GID4: variants seen among roughly 807,000 people sequenced by gnomAD.
The protein encoded by GID4 is glucose-induced degradation protein 4 homolog.
Under a neutral mutation model 32.4 loss-of-function variants are expected in GID4, and 7 were observed. The observed-to-expected ratio is 0.22, with a 90% CI of 0.12 to 0.41. GID4 has a LOEUF of 0.41. Among genes scored for constraint, GID4 ranks in the 10% least tolerant of loss-of-function variants. GID4 has a pLI of 1.00. For synonymous variants in GID4, 166 were observed against 170.0 expected, an observed-to-expected ratio of 0.98 and a Z score of 0.18; for missense variants, 309 against 400.0, an observed-to-expected ratio of 0.77 and a Z score of 1.94.
chr17:18,039,438 T>TGTGTCTGTGA lies in GID4; in HGVS notation c.-17_-8dup, dbSNP rs1202802123. 2.9e-6 allele frequency: 4 copies of TGTGTCTGTGA among 1,365,686 alleles called. No individual in the cohort carries two copies. The African/African-American group carries it at 5.9e-5, about 20-fold the overall frequency. The allele number at this position is 1,365,686 out of a possible 1,614,324, so 84.6% of individuals were successfully genotyped here. A position where few individuals can be genotyped will look rare whatever the true frequency, so the allele number is the denominator to read the frequency against. ...TGTGTCTGTGTGTGTTTGTGTGTTG[T>TGTGTCTGTGA]GTGTCTGTGAGTGTCTGTGTGTGTG... On this transcript the variant is annotated 5_prime_UTR_variant, in exon 1 of 6. Coordinates refer to ENST00000268719, the MANE Select transcript of GID4 (RefSeq NM_024052.5). The surrounding 1 kb of genome is among the most constrained non-coding windows in gnomAD (Gnocchi z 5.3).
At chr17:18,042,173 CTTTA>C (rs752019751) in intron 1 of GID4, among the ~76,000 whole-genome samples, 35 of 152,068 alleles carry the variant, frequency 2.3e-4, no homozygotes, top group Non-Finnish European at 4.4e-4. Context: ...CTTTTTGTAT[CTTTA>C]TTTAGATAGA....
intron 1 of GID4, among the ~76,000 whole-genome samples, chr17:18,044,722 A>G (rs554963356): frequency 7.9e-5 from 12 of 152,326 alleles, no homozygotes; most frequent in African/African-American, 2.6e-4. Context: ...CAATACAGAA[A>G]TAGAAAAAGG....
chr17:18,049,662 G>T (rs1311177529), intron 2 of GID4, among the ~76,000 whole-genome samples: 2 of 150,660 alleles, frequency 1.3e-5, no homozygotes, highest in Non-Finnish European at 3.0e-5. Context: ...TTTTTGAGAT[G>T]AAGTCTCGCT....
rs772480852 is a variant in GID4, at chr17:18,065,137, C to T, written c.840-43C>T. 1.0e-5 allele frequency: 15 copies of T among 1,443,178 alleles called. No individual in the cohort carries two copies. In the South Asian group the frequency reaches 1.6e-4, roughly 15 times the overall value. 89.4% of individuals were successfully genotyped at this position (1,443,178 alleles called of 1,614,324 possible). On this transcript the variant is annotated intron_variant, in intron 5 of 5. Coordinates refer to ENST00000268719, the MANE Select transcript of GID4 (RefSeq NM_024052.5). ...TTACTAATGTCCTTTGCTCAGGGTG[C>T]ATTAGATGACTACCTCCCGTTTCTG...
In GID4 at chr17:18,045,171, C is replaced by T. The variant is rs2044840946; in HGVS notation, c.463C>T (p.Leu155Phe). The change falls in exon 2 of 6, where the codon CTT (leucine) becomes TTT (phenylalanine). Residue 155 changes from leucine to phenylalanine, a missense_variant. By Grantham distance (22) the Leu-to-Phe change is conservative. Transcript: ENST00000268719. The part of the protein sequence containing the change: ...LQHVDTGNSY[L>F]CGYLKIKGLT... Reference sequence around the variant, plus strand: ...GCACGTGGACACGGGGAACTCTTACCTTTGTGGGTACTTGAAGATTAAAGG... The same window carrying T: ...GCACGTGGACACGGGGAACTCTTACTTTTGTGGGTACTTGAAGATTAAAGG... 6.2e-7 allele frequency: 1 copy of T among 1,613,504 alleles called. No individual in the cohort carries two copies. Among genetic ancestry groups the T allele is most frequent in the Non-Finnish European group, 8.5e-7 (1 of 1,179,570 alleles).
chr17:18,054,998 C>T (rs375290062), intron 3 of GID4, among the ~76,000 whole-genome samples: 2 of 152,020 alleles, frequency 1.3e-5, no homozygotes, highest in East Asian at 1.9e-4. Flanking sequence ...GGTGAAACCT[C>T]GTCTCTACCA....
At position 18,061,443 on chromosome 17, in the gene GID4, A is replaced by G. The variant is rs977977236; in HGVS notation, c.709-402A>G. Among the ~76,000 whole-genome samples, 28 of 152,196 alleles carry G rather than the reference A, an allele frequency of 1.8e-4. No individual in the cohort carries two copies. The highest frequency in any genetic ancestry group is 1.3e-4 in the Non-Finnish European group (9 of 68,032). Reference sequence around the variant, plus strand: ...CTCACTGTTCTAGATGTTATCAAGCATCTGTTGACAGTTCTGAGAACTGGA... The same window carrying G: ...CTCACTGTTCTAGATGTTATCAAGCGTCTGTTGACAGTTCTGAGAACTGGA... On this transcript the variant is annotated intron_variant, in intron 4 of 5. Transcript: ENST00000268719. This position sits in a 1 kb window ranked among gnomAD's most constrained non-coding sequence, Gnocchi z 4.4.
chr17:18,053,462 C>T (rs1395981344), intron 2 of GID4, among the ~76,000 whole-genome samples: 1 of 151,838 alleles, frequency 6.6e-6, no homozygotes, highest in Non-Finnish European at 1.5e-5. Flanking sequence ...AAAATACAAA[C>T]ATTAGGTGGG....
At chr17:18,045,057 T>G (rs2044839403) in intron 1 of GID4, 90 bp from the exon 2 acceptor site, 5 of 970,446 alleles carry the variant, frequency 5.2e-6, no homozygotes, top group Non-Finnish European at 8.2e-6. Context: ...TGACCACCAG[T>G]CTGGCCTCAC....
At chr17:18,062,059 A>G in intron 5 of GID4, 84 bp downstream of exon 5, 1 of 1,278,562 alleles carries the variant, frequency 7.8e-7, no homozygotes, top group Non-Finnish European at 1.1e-6. Flanking sequence ...CAAAAGCAAC[A>G]TCTTAGCCTG....
rs768778982 is a variant in GID4 at position 18,054,169 on chromosome 17, A to G, written c.541A>G (p.Ser181Gly). The change falls in exon 3 of 6, where the codon AGC (serine) becomes GGC (glycine). Residue 181 changes from serine to glycine, a missense_variant. Physicochemically the swap from Ser to Gly is moderately conservative, Grantham distance 56. Around this residue, in one of 2 missense-constraint regions of GID4, gnomAD observed 116 missense variants for 214.2 expected, o/e 0.54. Coordinates refer to ENST00000268719, the MANE Select transcript of GID4 (RefSeq NM_024052.5). ...LTTFFEGEII[S>G]KKHPFLTRKW... ...AACCTTCTTCGAAGGAGAAATAATC[A>G]GCAAAAAACACCCTTTCTTAACTCG... is the stretch of plus-strand genomic sequence containing the variant. 1.2e-6 allele frequency: 2 copies of G among 1,613,256 alleles called. No homozygotes were observed. Among genetic ancestry groups the G allele is most frequent in the South Asian group, 1.1e-5 (1 of 90,926 alleles).
intron 2 of GID4, among the ~76,000 whole-genome samples, chr17:18,046,885 G>A (rs1481622776): frequency 6.9e-6 from 1 of 145,384 alleles, no homozygotes; most frequent in Non-Finnish European, 1.5e-5. Flanking sequence ...TTGCACCATT[G>A]CGCTCCAGCC....
At chr17:18,045,898 AAAAAAAAAG>A (rs2044848776) in intron 2 of GID4, among the ~76,000 whole-genome samples, 1 of 151,738 alleles carries the variant, frequency 6.6e-6, no homozygotes, top group African/African-American at 2.4e-5. Context: ...TCTCAAAAAA[AAAAAAAAAG>A]AAAGAAAAAA....
At position 18,039,748 on chromosome 17, in the gene GID4, G is replaced by A; in HGVS notation, c.284G>A (p.Gly95Asp). 1.3e-6 allele frequency: 2 copies of A among 1,552,642 alleles called. No individual in the cohort carries two copies. Among genetic ancestry groups the A allele is most frequent in the Non-Finnish European group, 1.7e-6 (2 of 1,151,996 alleles). ...CGCACCGAGTGTCCCCCGCCGGCCG[G>A]TGCCTCCGCTGCCTCCGCGGCCTCA... ...PVRTECPPPAGASAASAASLI... is the reference protein window; with the variant it reads ...PVRTECPPPADASAASAASLI... The change falls in exon 1 of 6, where the codon GGT becomes GAT. Residue 95 changes from glycine (G) to aspartate (D), a missense_variant. Physicochemically the swap from Gly to Asp is moderately conservative, Grantham distance 94. Transcript: ENST00000268719. This position sits in a 1 kb window ranked among gnomAD's most constrained non-coding sequence, Gnocchi z 5.3.
chr17:18,053,074 G>A (rs1213501706), intron 2 of GID4, among the ~76,000 whole-genome samples: 1 of 126,448 alleles, frequency 7.9e-6, no homozygotes, highest in East Asian at 2.4e-4. Context: ...GGAGTGCAAT[G>A]GCGTGATCTC....
Position 18,054,120 on chromosome 17 carries a change from AC to A in GID4, c.499-5del. The A allele has an allele frequency of 1.3e-6, 2 of 1,504,088 alleles. No individual in the cohort carries two copies. Among genetic ancestry groups the A allele is most frequent in the African/African-American group, 1.4e-5 (1 of 72,456 alleles). 93.2% of individuals were successfully genotyped at this position (1,504,088 alleles called of 1,614,324 possible). ...ATCTTATTTTGATATTTGGGTTTTT[AC>A]CATAGGAGTATCCAACCCTTACAAC... On this transcript the variant is annotated splice_polypyrimidine_tract_variant and splice_region_variant and intron_variant, in intron 2 of 5. Transcript: ENST00000268719.
intron 2 of GID4, among the ~76,000 whole-genome samples, chr17:18,047,987 G>A (rs1317297887): frequency 8.0e-5 from 12 of 150,764 alleles, no homozygotes; most frequent in Non-Finnish European, 4.4e-5. Flanking sequence ...TGCAAGCTCC[G>A]CCTCCTGGGT....
At chr17:18,042,343 G>A (rs1400913105) in intron 1 of GID4, among the ~76,000 whole-genome samples, 3 of 152,110 alleles carry the variant, frequency 2.0e-5, no homozygotes, top group African/African-American at 7.2e-5. Context: ...CTAGGCAACT[G>A]CTCATCTATT....
chr17:18,057,521 C>A, intron 3 of GID4: 1 of 153,696 alleles, frequency 6.5e-6, no homozygotes, highest in Non-Finnish European at 1.4e-5. Context: ...GTTTTCTTAT[C>A]AAATTAACAC....
Sources: allele counts gnomAD v4.1 joint callset (sites outside exome capture counted in the v4.1 genomes callset), GRCh38; gene constraint gnomAD v4.1.1; regional missense constraint gnomAD v4.1.1; non-coding constraint Gnocchi (gnomAD v3.1); transcripts MANE v1.5; gene names NCBI Gene and HGNC (gene_info 2026-07-23, HGNC 2026-07-21).